Variants in GOLPH3L observed in about 807,000 individuals in gnomAD.
The protein encoded by GOLPH3L is golgi phosphoprotein 3 like, also known as Golgi phosphoprotein 3-like.
A neutral mutation model predicts 30.3 loss-of-function variants in GOLPH3L; 22 were observed. The ratio of observed to expected loss-of-function variants is 0.73; its 90% CI spans 0.52 to 1.04. GOLPH3L has a LOEUF of 1.04. GOLPH3L is among the 50% of genes least tolerant of loss of function. The pLI is 0.00. For synonymous variants in GOLPH3L, 120 were observed against 128.2 expected (o/e 0.94, Z 0.43); for missense variants, 303 against 345.8 (o/e 0.88, Z 0.98).
chr1:150,656,118 A>C (rs1036964311), intron 4 of GOLPH3L, among the ~76,000 whole-genome samples: 2 of 152,240 alleles, frequency 1.3e-5, no homozygotes, highest in African/African-American at 4.8e-5. Context: ...ATTATTCACT[A>C]TATGGATGAT....
chr1:150,648,351 C>A lies in GOLPH3L; in HGVS notation c.828G>T (p.Trp276Cys), dbSNP rs777588501. ...ATTTATTGAAGGCTGCCAGCACAGC[C>A]CAGATCATTTCTGTGGCACTAGGCT... ...GTKPSATEMI[W>C]AVLAAFNKS is the part of the protein sequence containing the mutation. The change falls in exon 5 of 5, where the codon TGG becomes TGT. Residue 276 changes from tryptophan to cysteine, a missense_variant. Physicochemically the swap from Trp to Cys is radical, Grantham distance 215. Coordinates refer to ENST00000271732, the MANE Select transcript of GOLPH3L (RefSeq NM_018178.6). 3 of 1,612,710 alleles carry A rather than the reference C, an allele frequency of 1.9e-6. No homozygotes were observed. The African/African-American group carries it at 4.0e-5, about 22-fold the overall frequency.
chr1:150,694,861 T>C lies in GOLPH3L; in HGVS notation c.-12-11A>G. 10 of 1,527,196 alleles carry C rather than the reference T, an allele frequency of 6.5e-6. No individual in the cohort carries two copies. The highest frequency in any genetic ancestry group is 8.9e-6 in the Non-Finnish European group (10 of 1,129,880). 94.6% of individuals were successfully genotyped at this position (1,527,196 alleles called of 1,614,324 possible). The stretch of plus-strand genomic sequence containing the variant: ...CATTCTCACCTGTTTCTGGAGGGAG[T>C]GGTGAAAAAAAAAATCCATATGTAT... On this transcript the variant is annotated splice_polypyrimidine_tract_variant and intron_variant, in intron 1 of 4. Coordinates refer to ENST00000271732, the MANE Select transcript of GOLPH3L (RefSeq NM_018178.6).
chr1:150,657,439 C>T (rs1253473859), intron 4 of GOLPH3L, among the ~76,000 whole-genome samples: 2 of 152,236 alleles, frequency 1.3e-5, no homozygotes, highest in African/African-American at 2.4e-5. Flanking sequence ...TCATCTTTTA[C>T]AGGAGGAGTT....
At chr1:150,663,784 A>C in intron 2 of GOLPH3L, 21 bp from the exon 3 acceptor site, 2 of 1,609,192 alleles carry the variant, frequency 1.2e-6, no homozygotes, top group South Asian at 1.1e-5. Flanking sequence ...AGAAAAGAGA[A>C]GAGAAAGAAT....
intron 2 of GOLPH3L, among the ~76,000 whole-genome samples, chr1:150,664,037 C>A (rs1268745312): frequency 6.6e-6 from 1 of 150,904 alleles, no homozygotes; most frequent in African/African-American, 2.4e-5. Context: ...CTCGCTTTTT[C>A]CCCCAGGCTG....
intron 2 of GOLPH3L, among the ~76,000 whole-genome samples, chr1:150,666,733 ATTTAG>A (rs1463105151): frequency 6.6e-6 from 1 of 152,068 alleles, no homozygotes; most frequent in African/African-American, 2.4e-5. Context: ...TAGAAGTTTT[ATTTAG>A]TTATTTTTCA....
chr1:150,685,552 T>G (rs1651062375), intron 2 of GOLPH3L, among the ~76,000 whole-genome samples: 1 of 151,880 alleles, frequency 6.6e-6, no homozygotes, highest in Non-Finnish European at 1.5e-5. Context: ...CTGTCTCTAC[T>G]AAAAATAAAA....
At chr1:150,663,902 G>A (rs763778712) in intron 2 of GOLPH3L, 139 bp from the exon 3 acceptor site, 1 of 566,672 alleles carries the variant, frequency 1.8e-6, no homozygotes, top group Non-Finnish European at 3.1e-6. Flanking sequence ...GTAAGAGGAT[G>A]TTTCTTTAAT....
At chr1:150,686,626 T>C (rs1260890885) in intron 2 of GOLPH3L, among the ~76,000 whole-genome samples, 1 of 152,212 alleles carries the variant, frequency 6.6e-6, no homozygotes, top group Non-Finnish European at 1.5e-5. Flanking sequence ...GCAAAATGTT[T>C]TGAAAATAAA....
chr1:150,670,421 C>A (rs1490757161), intron 2 of GOLPH3L, among the ~76,000 whole-genome samples: 1 of 152,022 alleles, frequency 6.6e-6, no homozygotes, highest in East Asian at 1.9e-4. Context: ...CACGGTGAAA[C>A]CCCGTCTCTA....
chr1:150,665,118 C>T (rs1650467652), intron 2 of GOLPH3L, among the ~76,000 whole-genome samples: 1 of 151,828 alleles, frequency 6.6e-6, no homozygotes, highest in Non-Finnish European at 1.5e-5. Context: ...TTGTGCTAAG[C>T]TTTTTACATG....
Position 150,674,836 on chromosome 1 carries a change from G to A in GOLPH3L, c.184-11073C>T, listed in dbSNP as rs1321644865. ...AAGCCCAGGAGGTCAAGGGGGCAGT[G>A]AGCCATGATCATGCCACTGCACTCT... On this transcript the variant is annotated intron_variant, in intron 2 of 4. Coordinates refer to ENST00000271732, the MANE Select transcript of GOLPH3L (RefSeq NM_018178.6). 5.3e-5 allele frequency among the ~76,000 whole-genome samples: 8 copies of A among 151,884 alleles called. No homozygotes were observed. In the East Asian group the frequency reaches 1.4e-3, roughly 26 times the overall value.
At chr1:150,668,483 A>G (rs17599216) in intron 2 of GOLPH3L, among the ~76,000 whole-genome samples, 215 of 152,268 alleles carry the variant, frequency 1.4e-3, no homozygotes, top group South Asian at 3.5e-3. Flanking sequence ...CCCTGGTTCA[A>G]GCAATCCTCT....
chr1:150,654,693 C>T (rs747982662), intron 4 of GOLPH3L, among the ~76,000 whole-genome samples: 2 of 152,166 alleles, frequency 1.3e-5, no homozygotes, highest in African/African-American at 2.4e-5. Flanking sequence ...CTGTTCCAAA[C>T]CGGGGCATTT....
intron 3 of GOLPH3L, among the ~76,000 whole-genome samples, 190 bp downstream of exon 3, chr1:150,663,442 A>G (rs1055205482): frequency 1.3e-5 from 2 of 152,216 alleles, no homozygotes. Flanking sequence ...GGAGCTTCCT[A>G]TAACTCTTTG....
intron 2 of GOLPH3L, among the ~76,000 whole-genome samples, chr1:150,665,229 A>G (rs944761524): frequency 1.3e-5 from 2 of 152,212 alleles, no homozygotes; most frequent in Non-Finnish European, 2.9e-5. Context: ...GTTATACAGC[A>G]TAACAGAGGT....
intron 4 of GOLPH3L, among the ~76,000 whole-genome samples, chr1:150,656,009 A>G (rs1557780503): frequency 6.6e-6 from 1 of 152,248 alleles, no homozygotes; most frequent in South Asian, 2.1e-4. Flanking sequence ...TTTTCACTGG[A>G]AAGTGTTGCC....
rs1209404528 is a variant in GOLPH3L at position 150,646,882 on chromosome 1, A to T, written c.*1439T>A. ...CTCAAATACTGGACTTTATATCAGC[A>T]TGCTTTCAATACCAAATTAGCCCTT... is the stretch of plus-strand genomic sequence containing the variant. On this transcript the variant is annotated 3_prime_UTR_variant, in exon 5 of 5. Transcript: ENST00000271732. 6.6e-6 allele frequency: 1 copy of T among 152,204 alleles called. No individual in the cohort carries two copies. The highest frequency in any genetic ancestry group is 1.5e-5 in the Non-Finnish European group (1 of 68,036). The allele number at this position is 152,204 out of a possible 1,614,324, so 9.4% of individuals were successfully genotyped here.
intron 2 of GOLPH3L, among the ~76,000 whole-genome samples, chr1:150,693,858 T>A (rs1388841685): frequency 4.6e-5 from 4 of 87,698 alleles, no homozygotes; most frequent in African/African-American, 1.9e-4. Context: ...TTTTTTTTTT[T>A]TTTTTTTTTT....
Sources: allele counts gnomAD v4.1 joint callset (sites outside exome capture counted in the v4.1 genomes callset), GRCh38; gene constraint gnomAD v4.1.1; transcripts MANE v1.5; gene names NCBI Gene and HGNC (gene_info 2026-07-23, HGNC 2026-07-21).